Variants in EGFLAM observed in about 807,000 individuals in gnomAD.
EGFLAM encodes pikachurin.
Under a neutral mutation model 113.1 loss-of-function variants are expected in EGFLAM, and 79 were observed. The ratio of observed to expected loss-of-function variants is 0.70; its 90% CI spans 0.58 to 0.84. The LOEUF is 0.84. EGFLAM is among the 40% of genes least tolerant of loss of function. EGFLAM has a pLI of 0.00. For synonymous variants in EGFLAM, 504 were observed against 487.6 expected (o/e 1.03, Z -0.44); for missense variants, 1,265 against 1,291.6 (o/e 0.98, Z 0.32).
intron 5 of EGFLAM, among the ~76,000 whole-genome samples, chr5:38,358,205 G>A (rs1739814387): frequency 6.6e-6 from 1 of 151,690 alleles, no homozygotes; most frequent in Non-Finnish European, 1.5e-5. Context: ...CAGCACTTTG[G>A]GAGGCCGAGG....
chr5:38,457,882 A>G (rs1033155656), intron 19 of EGFLAM, among the ~76,000 whole-genome samples: 4 of 151,126 alleles, frequency 2.6e-5, no homozygotes, highest in Non-Finnish European at 5.9e-5. Context: ...TGCCACTCAT[A>G]TGAGGTATGT....
chr5:38,268,086 G>A (rs568465525), intron 1 of EGFLAM, among the ~76,000 whole-genome samples: 14 of 152,190 alleles, frequency 9.2e-5, no homozygotes, highest in Admixed American at 5.2e-4. Flanking sequence ...GGCCCCACCC[G>A]GCAAGATGGT....
chr5:38,274,808 C>T (rs2111730228), intron 1 of EGFLAM, among the ~76,000 whole-genome samples: 1 of 152,300 alleles, frequency 6.6e-6, no homozygotes, highest in East Asian at 1.9e-4. Flanking sequence ...ATTCAGAACA[C>T]TCTAATACTG....
chr5:38,412,643 T>C lies in EGFLAM; in HGVS notation c.1489T>C (p.Ser497Pro). Residue 497 changes from serine (S) to proline (P), a missense_variant, in exon 11 of 22, where the codon TCT becomes CCT. Ser to Pro is a moderately conservative substitution (Grantham distance 74). Transcript: ENST00000322350. ...CAATGGCACCCCAGTGACAGGCCAG[T>C]CTCAGGTATGTATGAGCCCCACACC... ...LNNGTPVTGQSQGQYSKITFR... is the reference protein window; with the variant it reads ...LNNGTPVTGQPQGQYSKITFR... 1 of 1,613,816 alleles carries C rather than the reference T, an allele frequency of 6.2e-7. No individual in the cohort carries two copies. The highest frequency in any genetic ancestry group is 1.3e-5 in the African/African-American group (1 of 74,994).
intron 17 of EGFLAM, among the ~76,000 whole-genome samples, chr5:38,445,303 G>A (rs1742670181): frequency 6.6e-6 from 1 of 152,186 alleles, no homozygotes; most frequent in South Asian, 2.1e-4. Context: ...GACAAGGTAA[G>A]TAACTCTTGA....
At chr5:38,424,678 T>C (rs1195434115) in intron 12 of EGFLAM, among the ~76,000 whole-genome samples, 1 of 152,220 alleles carries the variant, frequency 6.6e-6, no homozygotes, top group Non-Finnish European at 1.5e-5. Flanking sequence ...GTCATCCCAG[T>C]TAGTGGTCAT....
chr5:38,290,695 T>A (rs564574896), intron 1 of EGFLAM: 1 of 152,266 alleles, frequency 6.6e-6, no homozygotes, highest in Non-Finnish European at 1.5e-5. Context: ...GGCCTCCAAT[T>A]CAAATTCCGT....
chr5:38,409,865 G>T (rs939496829), intron 10 of EGFLAM, among the ~76,000 whole-genome samples: 2 of 152,142 alleles, frequency 1.3e-5, no homozygotes, highest in Non-Finnish European at 2.9e-5. Flanking sequence ...TGGTCTTCCT[G>T]GGGGGCAGAG....
At chr5:38,367,767 T>C (rs1283052224) in intron 5 of EGFLAM, among the ~76,000 whole-genome samples, 2 of 152,226 alleles carry the variant, frequency 1.3e-5, no homozygotes, top group Non-Finnish European at 2.9e-5. Flanking sequence ...TGGTCATCTC[T>C]TTCTCAGCCT....
chr5:38,429,483 A>G (rs1319882864), intron 14 of EGFLAM, among the ~76,000 whole-genome samples: 2 of 152,232 alleles, frequency 1.3e-5, no homozygotes, highest in Non-Finnish European at 2.9e-5. Flanking sequence ...GATAATTGGG[A>G]AGTTCAGCGA....
chr5:38,394,918 A>G (rs951652414), intron 6 of EGFLAM, among the ~76,000 whole-genome samples: 5 of 151,944 alleles, frequency 3.3e-5, no homozygotes, highest in Admixed American at 6.6e-5. Flanking sequence ...TTGAACAACC[A>G]TTTAATTGAA....
intron 1 of EGFLAM, among the ~76,000 whole-genome samples, chr5:38,277,717 A>G (rs73073426): frequency 0.044 from 6,743 of 152,278 alleles, 481 homozygotes; most frequent in African/African-American, 0.15. Flanking sequence ...GTTGCAGGAT[A>G]CAAAATTAAC....
chr5:38,341,434 G>C (rs1739334396), intron 3 of EGFLAM, among the ~76,000 whole-genome samples: 1 of 152,102 alleles, frequency 6.6e-6, no homozygotes, highest in Admixed American at 6.6e-5. Flanking sequence ...GAACAGCATG[G>C]GATAAACCAC....
chr5:38,314,948 A>G (rs1323546379), intron 1 of EGFLAM, among the ~76,000 whole-genome samples: 1 of 152,216 alleles, frequency 6.6e-6, no homozygotes, highest in Admixed American at 6.5e-5. Context: ...ACTTTCTAGA[A>G]TGCATGACAA....
intron 3 of EGFLAM, among the ~76,000 whole-genome samples, chr5:38,342,901 GT>G (rs1739371739): frequency 6.6e-6 from 1 of 152,134 alleles, no homozygotes; most frequent in Admixed American, 6.5e-5. Flanking sequence ...CAGAAATAGA[GT>G]TCATGTGTTT....
rs189856566 is a variant in EGFLAM, at chr5:38,399,574, G to A, written c.713-6552G>A. On this transcript the variant is annotated intron_variant, in intron 6 of 21. Transcript: ENST00000322350. ...GTTACAGGTGTGAGCCACTGCACCC[G>A]GCCCCCAAGGTCCTTTGATAGATTA... Among the ~76,000 whole-genome samples the A allele has an allele frequency of 4.5e-4, 69 of 152,154 alleles. 1 individual carries two copies. In the South Asian group the frequency reaches 0.014, roughly 31 times the overall value.
chr5:38,385,751 T>C (rs1561060659), intron 6 of EGFLAM, among the ~76,000 whole-genome samples: 1 of 152,230 alleles, frequency 6.6e-6, no homozygotes, highest in Non-Finnish European at 1.5e-5. Flanking sequence ...CATTGAATTA[T>C]TTTTATAATT....
chr5:38,281,964 T>C (rs1758032114), intron 1 of EGFLAM, among the ~76,000 whole-genome samples: 1 of 152,238 alleles, frequency 6.6e-6, no homozygotes, highest in South Asian at 2.1e-4. Context: ...ATTCTTCATC[T>C]CTTGAGAGTC....
intron 17 of EGFLAM, among the ~76,000 whole-genome samples, chr5:38,446,381 G>C (rs1196176124): frequency 1.3e-5 from 2 of 151,746 alleles, no homozygotes; most frequent in African/African-American, 4.8e-5. Context: ...TGTCTTCCTC[G>C]GCACTTTCTT....
Sources: gnomAD v4.1 joint callset for allele counts (sites outside exome capture counted in the v4.1 genomes callset) on GRCh38, gnomAD v4.1.1 for gene constraint, MANE v1.5 for transcripts, NCBI Gene and HGNC (gene_info 2026-07-23, HGNC 2026-07-21) for gene names.